Variants in MEGF6 observed in about 807,000 individuals in gnomAD.
MEGF6 encodes the protein multiple EGF like domains 6.
In MEGF6, 184 loss-of-function variants were observed where a neutral mutation model predicts 207.1. That is an observed-to-expected ratio of 0.89 (90% CI 0.79 to 1.00). The LOEUF (loss-of-function observed/expected upper bound fraction) is 1.00, where lower values mean the gene tolerates loss of function less well. Ranked by LOEUF, MEGF6 falls within the 50% of genes least tolerant of loss-of-function variation. The probability of loss-of-function intolerance (pLI) is 0.00; values close to 1 mark genes in which losing one functional copy is unlikely to be tolerated. For synonymous variants in MEGF6, 1,038 were observed against 910.0 expected (o/e 1.14, Z -2.53); for missense variants, 2,282 against 2,202.9 (o/e 1.04, Z -0.72).
intron 4 of MEGF6, among the ~76,000 whole-genome samples, chr1:3,525,326 A>G (rs890969767): frequency 3.9e-5 from 6 of 152,188 alleles, no homozygotes; most frequent in Non-Finnish European, 7.3e-5. Context: ...CCCCACTCAA[A>G]GGCGGTAGAG....
intron 3 of MEGF6, among the ~76,000 whole-genome samples, chr1:3,595,066 A>G: frequency 6.6e-6 from 1 of 151,860 alleles, no homozygotes; most frequent in South Asian, 2.1e-4. Flanking sequence ...ACCCTCAGAC[A>G]CCCTGCCAAT....
intron 4 of MEGF6, among the ~76,000 whole-genome samples, chr1:3,538,695 C>CCT (rs1553198670): frequency 3.1e-5 from 3 of 95,466 alleles, no homozygotes; most frequent in East Asian, 3.6e-4. Context: ...AGAGCATGTG[C>CCT]CTGTGTGTGT....
chr1:3,603,369 G>A (rs1354217649), intron 1 of MEGF6, among the ~76,000 whole-genome samples: 2 of 152,132 alleles, frequency 1.3e-5, no homozygotes, highest in African/African-American at 4.8e-5. Context: ...CCCAGAGCAG[G>A]GGCTCGCCCC....
chr1:3,520,787 G>A (rs1025901972), intron 5 of MEGF6, among the ~76,000 whole-genome samples: 1 of 152,216 alleles, frequency 6.6e-6, no homozygotes, highest in Non-Finnish European at 1.5e-5. Flanking sequence ...AGGCAGGGAG[G>A]TGTGGAGGTT....
intron 1 of MEGF6, among the ~76,000 whole-genome samples, chr1:3,610,450 C>T (rs1351708458): frequency 6.6e-6 from 1 of 152,088 alleles, no homozygotes; most frequent in East Asian, 1.9e-4. Context: ...CCAGGGAGTG[C>T]TGGGTGGGGG....
At chr1:3,585,514 G>A (rs1344745337) in intron 3 of MEGF6, among the ~76,000 whole-genome samples, 5 of 146,068 alleles carry the variant, frequency 3.4e-5, no homozygotes, top group Non-Finnish European at 7.5e-5. Context: ...GTGGGTGTGA[G>A]TGACACATGT....
rs140833255 is a variant in MEGF6 at position 3,496,343 on chromosome 1, A to T, written c.3742+312T>A. 4.0e-3 allele frequency among the ~76,000 whole-genome samples: 611 copies of T among 152,330 alleles called. 6 individuals carry two copies. Among genetic ancestry groups the T allele is most frequent in the Middle Eastern group, 0.014 (4 of 294 alleles). On this transcript the variant is annotated intron_variant, in intron 29 of 36. Transcript: ENST00000356575. ...GTTTCCCAGCAGGACGCTTGGCCACAGTTGAGCTGCCTGGCTGACCTCTGT... is the reference window on the plus strand; with the variant it reads ...GTTTCCCAGCAGGACGCTTGGCCACTGTTGAGCTGCCTGGCTGACCTCTGT...
intron 3 of MEGF6, among the ~76,000 whole-genome samples, chr1:3,585,374 T>G (rs1643878309): frequency 6.7e-6 from 1 of 148,922 alleles, no homozygotes; most frequent in Admixed American, 6.7e-5. Context: ...GTCCTGTGTG[T>G]GGGTGTCTGG....
chr1:3,596,727 C>T (rs1036612059), intron 2 of MEGF6, among the ~76,000 whole-genome samples: 1 of 151,102 alleles, frequency 6.6e-6, no homozygotes, highest in Non-Finnish European at 1.5e-5. Flanking sequence ...GCCCAGCCCC[C>T]GTCTCCACCC....
At position 3,522,059 on chromosome 1, in the gene MEGF6, G is replaced by A. The variant is rs538284735; in HGVS notation, c.604+2065C>T. Among the ~76,000 whole-genome samples, 150 of 152,328 alleles carry A rather than the reference G, an allele frequency of 9.8e-4. 1 individual carries two copies. The highest frequency in any genetic ancestry group is 1.7e-3 in the Non-Finnish European group (117 of 68,028). The stretch of plus-strand genomic sequence containing the variant: ...GAGGGTCACCACCTGTTCCCAGGGG[G>A]TGAAACCCCCAGCATCTTCTGTGGC... On this transcript the variant is annotated intron_variant, in intron 5 of 36. Coordinates refer to ENST00000356575, the MANE Select transcript of MEGF6 (RefSeq NM_001409.4).
chr1:3,497,678 G>A, intron 26 of MEGF6: 2 of 518,934 alleles, frequency 3.9e-6, no homozygotes, highest in South Asian at 1.7e-5. Flanking sequence ...CCCGCCCCAT[G>A]GAAGGCGAAG....
Position 3,573,906 on chromosome 1 carries a change from C to T in MEGF6, c.481+5919G>A, listed in dbSNP as rs1033768798. Among the ~76,000 whole-genome samples, 28 of 152,264 alleles carry T rather than the reference C, an allele frequency of 1.8e-4. No homozygotes were observed. Among genetic ancestry groups the T allele is most frequent in the African/African-American group, 6.5e-4 (27 of 41,556 alleles). On this transcript the variant is annotated intron_variant, in intron 4 of 36. Transcript: ENST00000356575. This position sits in a 1 kb window ranked among gnomAD's most constrained non-coding sequence, Gnocchi z 5.1. ...TCAATGGTCCCAGTTTAGAAACAGT[C>T]GCCCTGAGCCAACGCCAAGGGCTAA... is the stretch of plus-strand genomic sequence containing the variant.
intron 30 of MEGF6, 122 bp from the exon 31 acceptor site, chr1:3,494,863 C>A: frequency 1.4e-6 from 2 of 1,387,946 alleles, no homozygotes; most frequent in Non-Finnish European, 1.9e-6. Flanking sequence ...CAGTGCCAGT[C>A]TCTGCCTGCT....
chr1:3,562,301 T>G (rs1367327854), intron 4 of MEGF6, among the ~76,000 whole-genome samples: 1 of 152,240 alleles, frequency 6.6e-6, no homozygotes, highest in Non-Finnish European at 1.5e-5. Context: ...GGTCCCTCGC[T>G]GTGTCTCTGT....
At chr1:3,514,860 C>G (rs1011341274) in intron 6 of MEGF6, among the ~76,000 whole-genome samples, 188 bp from the exon 7 acceptor site, 1 of 152,212 alleles carries the variant, frequency 6.6e-6, no homozygotes, top group African/African-American at 2.4e-5. Flanking sequence ...CGAGAAGACT[C>G]TGCAGTCTCA....
At chr1:3,493,921 G>C (rs1256974434) in intron 33 of MEGF6, 22 bp from the exon 34 acceptor site, 1 of 1,584,396 alleles carries the variant, frequency 6.3e-7, no homozygotes, top group Non-Finnish European at 8.6e-7. Context: ...AGTGGGCTCA[G>C]TGTCCCCCTC....
the MEGF6 span, among the ~76,000 whole-genome samples, chr1:3,619,239 C>T: frequency 1.3e-5 from 2 of 152,222 alleles, no homozygotes; most frequent in Non-Finnish European, 2.9e-5. Flanking sequence ...AAGAAATACA[C>T]AAACTCAGGG....
Position 3,511,595 on chromosome 1 carries a change from A to G in MEGF6, c.1069T>C (p.Cys357Arg), listed in dbSNP as rs1461973796. The change falls in exon 9 of 37, where the codon TGT becomes CGT. Residue 357 changes from cysteine (C) to arginine (R), a missense_variant. Coordinates refer to ENST00000356575, the MANE Select transcript of MEGF6 (RefSeq NM_001409.4). ...SHTSAGPLCTCPRGYELDTDQ... is the reference protein window; with the variant it reads ...SHTSAGPLCTRPRGYELDTDQ... ...GTGTCCAGCTCGTAGCCGCGGGGAC[A>G]TGTGCACAGGGGCCCAGCACTGGTG... The G allele has an allele frequency of 3.1e-6, 5 of 1,612,302 alleles. No individual in the cohort carries two copies. The Admixed American group carries it at 6.7e-5, about 22-fold the overall frequency.
At chr1:3,491,370 G>A (rs373652815) in intron 35 of MEGF6, among the ~76,000 whole-genome samples, 1 of 151,992 alleles carries the variant, frequency 6.6e-6, no homozygotes, top group African/African-American at 2.4e-5. Context: ...GCCGGCAGCC[G>A]GCGGTGCAGT....
Sources: allele counts gnomAD v4.1 joint callset (sites outside exome capture counted in the v4.1 genomes callset), GRCh38; gene constraint gnomAD v4.1.1; non-coding constraint Gnocchi (gnomAD v3.1); transcripts MANE v1.5; gene names NCBI Gene and HGNC (gene_info 2026-07-23, HGNC 2026-07-21).